The following ATG13 variants were observed in gnomAD, a reference collection of about 807,000 sequenced individuals.
ATG13 encodes autophagy-related protein 13.
ATG13 carries 23 observed loss-of-function variants against 65.5 expected under a neutral mutation model. That is an observed-to-expected ratio of 0.35 (90% CI 0.25 to 0.50). ATG13 has a LOEUF of 0.50. Among genes scored for constraint, ATG13 ranks in the 20% least tolerant of loss-of-function variants. The pLI, the probability that ATG13 is intolerant of heterozygous loss-of-function variation, is 0.98. For missense variants in ATG13, 566 were observed against 677.0 expected, an observed-to-expected ratio of 0.84 and a Z score of 1.82; for synonymous variants, 252 against 245.2, an observed-to-expected ratio of 1.03 and a Z score of -0.26.
intron 2 of ATG13, among the ~76,000 whole-genome samples, chr11:46,634,705 G>T (rs1458369829): frequency 4.0e-5 from 6 of 150,562 alleles, no homozygotes; most frequent in East Asian, 3.9e-4. Context: ...TAGTTTTTTT[G>T]TTTGTTTGTT....
chr11:46,619,951 C>T (rs1255414537), intron 1 of ATG13, among the ~76,000 whole-genome samples: 2 of 148,616 alleles, frequency 1.3e-5, no homozygotes, highest in East Asian at 2.2e-4. Flanking sequence ...ATCGCTTGAA[C>T]CCAGGAGGTG....
chr11:46,644,139 C>G (rs2056910153), intron 2 of ATG13, 140 bp from the exon 3 acceptor site: 1 of 541,286 alleles, frequency 1.8e-6, no homozygotes. Flanking sequence ...ACTTTGGTAT[C>G]TTTAGTTAAA....
At chr11:46,672,149 G>T in intron 18 of ATG13, 106 bp from the exon 19 acceptor site, 2 of 1,566,812 alleles carry the variant, frequency 1.3e-6, no homozygotes, top group Non-Finnish European at 1.7e-6. Flanking sequence ...GGCCCAGCTA[G>T]GGCTGAGCTT....
In ATG13 at chr11:46,622,098, T is replaced by C. The variant is rs1345695043; in HGVS notation, c.-70+4208T>C. On this transcript the variant is annotated intron_variant, in intron 1 of 18. Coordinates refer to ENST00000683050, the MANE Select transcript of ATG13 (RefSeq NM_001346311.2). ...TTACATATATATATATATATATATATATATATATATATATATATATATATA... is the reference window on the plus strand; with the variant it reads ...TTACATATATATATATATATATATACATATATATATATATATATATATATA... Among the ~76,000 whole-genome samples the C allele has an allele frequency of 2.9e-3, 190 of 64,520 alleles. 4 individuals are homozygous for C. In the Middle Eastern group the frequency reaches 0.035, roughly 12 times the overall value. The allele number at this position is 64,520 out of a possible 152,430, so 42.3% of individuals were successfully genotyped here. A position where few individuals can be genotyped will look rare whatever the true frequency, so the allele number is the denominator to read the frequency against.
chr11:46,635,985 AC>A (rs147600293), intron 2 of ATG13, among the ~76,000 whole-genome samples: 2 of 152,074 alleles, frequency 1.3e-5, no homozygotes, highest in Admixed American at 1.3e-4. Flanking sequence ...TTGCTCTGTC[AC>A]CCAAGCTGGA....
chr11:46,668,688 C>T (rs972523252), intron 16 of ATG13, 106 bp from the exon 17 acceptor site: 10 of 1,490,708 alleles, frequency 6.7e-6, no homozygotes, highest in South Asian at 4.5e-5. Flanking sequence ...CCTCGGCTTA[C>T]GGGTTTGTAG....
In ATG13 at chr11:46,633,029, T is replaced by A. The variant is rs867459476; in HGVS notation, c.-14+2929T>A. Among the ~76,000 whole-genome samples the A allele has an allele frequency of 5.5e-3, 602 of 109,330 alleles. 1 individual carries two copies. The highest frequency in any genetic ancestry group is 6.9e-3 in the Non-Finnish European group (393 of 57,240). 71.7% of individuals were successfully genotyped at this position (109,330 alleles called of 152,430 possible). ...ATATATATATATATATATATATATT[T>A]TTTTTTTTTTTTGGCAACGGGGTCT... On this transcript the variant is annotated intron_variant, in intron 2 of 18. Transcript: ENST00000683050.
Position 46,672,252 on chromosome 11 carries a change from C to T in ATG13, c.1576-3C>T. 1 of 1,614,172 alleles carries T rather than the reference C, an allele frequency of 6.2e-7. No individual in the cohort carries two copies. The highest frequency in any genetic ancestry group is 2.2e-5 in the East Asian group (1 of 44,880). ...ACGGCTCTTCCCTCTCTTTCCGGTA[C>T]AGGACTCATTACCAGAGAAGCTGGC... On this transcript the variant is annotated splice_region_variant and splice_polypyrimidine_tract_variant and intron_variant, in intron 18 of 18. Transcript: ENST00000683050.
At chr11:46,626,341 C>T (rs1201351305) in intron 1 of ATG13, among the ~76,000 whole-genome samples, 2 of 152,142 alleles carry the variant, frequency 1.3e-5, no homozygotes, top group African/African-American at 4.8e-5. Context: ...GCCTCTACCT[C>T]CTGGGTTCAG....
chr11:46,649,900 GTATT>G (rs951060974), intron 6 of ATG13, among the ~76,000 whole-genome samples: 7 of 151,884 alleles, frequency 4.6e-5, no homozygotes, highest in East Asian at 1.9e-4. Flanking sequence ...TATAATTGCA[GTATT>G]TATTTATTTA....
At chr11:46,619,616 G>C (rs1352141957) in intron 1 of ATG13, among the ~76,000 whole-genome samples, 1 of 151,650 alleles carries the variant, frequency 6.6e-6, no homozygotes, top group Non-Finnish European at 1.5e-5. Flanking sequence ...TTGAACTCCC[G>C]ACCTCAGGTT....
At chr11:46,652,250 A>G (rs1168597691) in intron 7 of ATG13, among the ~76,000 whole-genome samples, 1 of 151,882 alleles carries the variant, frequency 6.6e-6, no homozygotes, top group Non-Finnish European at 1.5e-5. Context: ...TGTATCTCAA[A>G]AAAACCCAAA....
intron 15 of ATG13, among the ~76,000 whole-genome samples, chr11:46,668,181 T>C (rs567160730): frequency 2.0e-4 from 30 of 152,332 alleles, no homozygotes; most frequent in African/African-American, 7.0e-4. Context: ...CTCGGCCTTA[T>C]TTGAATTGAA....
At chr11:46,630,013 G>C (rs1351426320) in intron 1 of ATG13, 32 bp from the exon 2 acceptor site, 1 of 152,082 alleles carries the variant, frequency 6.6e-6, no homozygotes, top group Non-Finnish European at 1.5e-5. Flanking sequence ...TTGTGCAGTG[G>C]TATTCACAGT....
Position 46,645,959 on chromosome 11 carries a change from G to A in ATG13, c.240G>A (p.Met80Ile). The change falls in exon 5 of 19, where the codon ATG becomes ATA. Residue 80 changes from methionine (M) to isoleucine (I), a missense_variant. Met to Ile is a conservative substitution (Grantham distance 10). Coordinates refer to ENST00000683050, the MANE Select transcript of ATG13 (RefSeq NM_001346311.2). ...AGCTGCCTGCAGTCGGGAGGTCCAT[G>A]TGTGTGGAGATTTCACTTAAGACTT... ...AGQLPAVGRSMCVEISLKTSE... is the reference protein window; with the variant it reads ...AGQLPAVGRSICVEISLKTSE... 1 of 1,614,196 alleles carries A rather than the reference G, an allele frequency of 6.2e-7. No homozygotes were observed. The highest frequency in any genetic ancestry group is 8.5e-7 in the Non-Finnish European group (1 of 1,180,012).
At chr11:46,657,044 C>T in intron 8 of ATG13, 51 bp from the exon 9 acceptor site, 2 of 1,429,936 alleles carry the variant, frequency 1.4e-6, no homozygotes, top group African/African-American at 1.4e-5. Flanking sequence ...GGTCTGGGGG[C>T]AGTGTCAGTA....
chr11:46,654,307 A>ATATG (rs2059581552), intron 7 of ATG13, among the ~76,000 whole-genome samples: 2 of 144,324 alleles, frequency 1.4e-5, no homozygotes, highest in African/African-American at 2.6e-5. Flanking sequence ...ATATATATAT[A>ATATG]TATGTAAAAG....
chr11:46,628,221 G>A (rs912603963), intron 1 of ATG13, among the ~76,000 whole-genome samples: 1 of 151,860 alleles, frequency 6.6e-6, no homozygotes, highest in African/African-American at 2.4e-5. Flanking sequence ...TGGCCAACAC[G>A]GTGAAACCCC....
At position 46,645,857 on chromosome 11, in the gene ATG13, T is replaced by G. The variant is rs1206923469; in HGVS notation, c.151-13T>G. 3 of 1,613,736 alleles carry G rather than the reference T, an allele frequency of 1.9e-6. No individual in the cohort carries two copies. On this transcript the variant is annotated splice_polypyrimidine_tract_variant and intron_variant, in intron 4 of 18. Transcript: ENST00000683050. ...TGTGAGTGTTTCATGCAAAAGTCCC[T>G]TTTGTTTTCCAGTTCAACTTAGCAA...
Sources: allele counts gnomAD v4.1 joint callset (sites outside exome capture counted in the v4.1 genomes callset), GRCh38; gene constraint gnomAD v4.1.1; transcripts MANE v1.5; gene names NCBI Gene and HGNC (gene_info 2026-07-23, HGNC 2026-07-21).